The following GPR158 variants were observed in gnomAD, a reference collection of about 807,000 sequenced individuals.
GPR158 encodes metabotropic glycine receptor.
Under a neutral mutation model 78.2 loss-of-function variants are expected in GPR158, and 30 were observed. That is an observed-to-expected ratio of 0.38 (90% CI 0.29 to 0.52). The LOEUF is 0.52. GPR158 is among the 20% of genes least tolerant of loss of function. The pLI, the probability that GPR158 is intolerant of heterozygous loss-of-function variation, is 0.83. For synonymous variants in GPR158, 581 were observed against 591.1 expected, an observed-to-expected ratio of 0.98 and a Z score of 0.25; for missense variants, 1,463 against 1,523.5, an observed-to-expected ratio of 0.96 and a Z score of 0.66.
At chr10:25,472,489 T>A (rs557312769) in intron 5 of GPR158, among the ~76,000 whole-genome samples, 9 of 152,258 alleles carry the variant, frequency 5.9e-5, no homozygotes, top group African/African-American at 7.2e-5. Context: ...GTTTTTTCCA[T>A]TTCTGTGAAG....
intron 5 of GPR158, among the ~76,000 whole-genome samples, chr10:25,547,533 C>T (rs1836678748): frequency 6.6e-6 from 1 of 152,180 alleles, no homozygotes; most frequent in Admixed American, 6.6e-5. Flanking sequence ...TTCTCGCTCA[C>T]TTGTCAGCCC....
chr10:25,250,917 A>G (rs1034823626), intron 2 of GPR158, among the ~76,000 whole-genome samples: 1 of 151,394 alleles, frequency 6.6e-6, no homozygotes, highest in South Asian at 2.1e-4. Context: ...GTGGGGTGTT[A>G]AAGTCTCCCA....
chr10:25,479,475 G>T (rs1198930026), intron 5 of GPR158, among the ~76,000 whole-genome samples: 2 of 152,168 alleles, frequency 1.3e-5, no homozygotes, highest in East Asian at 3.9e-4. Flanking sequence ...GAGTGCAGTG[G>T]TGCGATCTTG....
At chr10:25,263,424 A>G (rs1194643266) in intron 2 of GPR158, among the ~76,000 whole-genome samples, 1 of 152,128 alleles carries the variant, frequency 6.6e-6, no homozygotes, top group Non-Finnish European at 1.5e-5. Context: ...CTATAGCTTT[A>G]TAGTAAGTCT....
intron 3 of GPR158, among the ~76,000 whole-genome samples, chr10:25,406,962 A>G (rs765651095): frequency 6.6e-6 from 1 of 152,214 alleles, no homozygotes; most frequent in Non-Finnish European, 1.5e-5. Context: ...AGACTAATCT[A>G]TAATCAAAGA....
intron 6 of GPR158, among the ~76,000 whole-genome samples, chr10:25,566,064 T>G (rs1836925161): frequency 6.6e-6 from 1 of 152,152 alleles, no homozygotes; most frequent in South Asian, 2.1e-4. Context: ...CAACTTAGGT[T>G]TTATCTACTT....
rs1394686564 is a variant in GPR158, at chr10:25,529,055, A to G, written c.1405-21921A>G. Among the ~76,000 whole-genome samples the G allele has an allele frequency of 3.9e-5, 6 of 152,314 alleles. No individual in the cohort carries two copies. The East Asian group carries it at 1.2e-3, about 29-fold the overall frequency. ...ACGAACGGTGCTGAAACAACTGGAT[A>G]AATATATGGGAGGAAGTAACAACCA... On this transcript the variant is annotated intron_variant, in intron 5 of 10. Coordinates refer to ENST00000376351, the MANE Select transcript of GPR158 (RefSeq NM_020752.3).
intron 6 of GPR158, among the ~76,000 whole-genome samples, chr10:25,559,973 G>A (rs1046834888): frequency 6.6e-5 from 10 of 152,190 alleles, no homozygotes; most frequent in East Asian, 3.8e-4. Flanking sequence ...AGTGGTGTGC[G>A]AAGGGAAAAC....
chr10:25,222,074 G>A lies in GPR158; in HGVS notation c.1008+917G>A, dbSNP rs180763511. 2.6e-5 allele frequency among the ~76,000 whole-genome samples: 4 copies of A among 152,174 alleles called. No homozygotes were observed. In the East Asian group the frequency reaches 7.7e-4, roughly 29 times the overall value. ...GAAATTTAGCAATAAGCACTTATTT[G>A]TGCCATTACACAAATGCACAGACAG... On this transcript the variant is annotated intron_variant, in intron 2 of 10. Coordinates refer to ENST00000376351, the MANE Select transcript of GPR158 (RefSeq NM_020752.3).
Position 25,405,259 on chromosome 10 carries a change from G to A in GPR158, c.1112-6991G>A, listed in dbSNP as rs544385559. ...AAATAACATTTTCTAGTAAGAGAAG[G>A]GAGACTAATTTTTCATTAATTATAT... On this transcript the variant is annotated intron_variant, in intron 3 of 10. Coordinates refer to ENST00000376351, the MANE Select transcript of GPR158 (RefSeq NM_020752.3). Among the ~76,000 whole-genome samples, 9 of 151,880 alleles carry A rather than the reference G, an allele frequency of 5.9e-5. No homozygotes were observed. The South Asian group carries it at 1.7e-3, about 28-fold the overall frequency.
At chr10:25,192,071 G>A (rs1852778858) in intron 1 of GPR158, among the ~76,000 whole-genome samples, 1 of 152,098 alleles carries the variant, frequency 6.6e-6, no homozygotes, top group Non-Finnish European at 1.5e-5. Flanking sequence ...ATCTTGAATT[G>A]TAATCTCCAT....
rs544377766 is a variant in GPR158 at position 25,289,720 on chromosome 10, G to A, written c.1008+68563G>A. ...CAGGTGTGAGCCACCGCGCCCAGCCGAACATTTAAATGTTTTCTAATTGCA... is the reference window on the plus strand; with the variant it reads ...CAGGTGTGAGCCACCGCGCCCAGCCAAACATTTAAATGTTTTCTAATTGCA... On this transcript the variant is annotated intron_variant, in intron 2 of 10. Coordinates refer to ENST00000376351, the MANE Select transcript of GPR158 (RefSeq NM_020752.3). 2.4e-4 allele frequency among the ~76,000 whole-genome samples: 36 copies of A among 152,184 alleles called. No individual in the cohort carries two copies. The East Asian group carries it at 5.0e-3, about 21-fold the overall frequency.
rs372557236 is a variant in GPR158, at chr10:25,443,716, T to C, written c.1336-22935T>C. The stretch of plus-strand genomic sequence containing the variant: ...GACACTGCTCCCAGCCCCTCTTCTT[T>C]TCTTTGGTACTCTAGCAATGCCCTT... On this transcript the variant is annotated intron_variant, in intron 4 of 10. Coordinates refer to ENST00000376351, the MANE Select transcript of GPR158 (RefSeq NM_020752.3). 8.6e-5 allele frequency among the ~76,000 whole-genome samples: 13 copies of C among 151,216 alleles called. No individual in the cohort carries two copies. The South Asian group carries it at 2.5e-3, about 29-fold the overall frequency.
At chr10:25,227,525 C>T (rs568030545) in intron 2 of GPR158, among the ~76,000 whole-genome samples, 10 of 152,276 alleles carry the variant, frequency 6.6e-5, no homozygotes, top group African/African-American at 1.9e-4. Context: ...CTAGGCCTCT[C>T]TCTTTGAGGA....
intron 5 of GPR158, among the ~76,000 whole-genome samples, chr10:25,499,490 A>G (rs1379787922): frequency 6.6e-6 from 1 of 152,180 alleles, no homozygotes; most frequent in Non-Finnish European, 1.5e-5. Flanking sequence ...GCCTTTGTGT[A>G]TTTCCTTTGA....
intron 2 of GPR158, among the ~76,000 whole-genome samples, chr10:25,326,610 G>C (rs543091844): frequency 6.6e-6 from 1 of 152,090 alleles, no homozygotes; most frequent in South Asian, 2.1e-4. Context: ...GATAGGGGCT[G>C]GGGAGAAATG....
At chr10:25,257,306 C>G (rs1853901349) in intron 2 of GPR158, among the ~76,000 whole-genome samples, 1 of 152,168 alleles carries the variant, frequency 6.6e-6, no homozygotes, top group Non-Finnish European at 1.5e-5. Context: ...AAGGCCCTGT[C>G]TTTTAATACT....
intron 5 of GPR158, among the ~76,000 whole-genome samples, chr10:25,548,636 T>G (rs182639021): frequency 6.6e-6 from 1 of 152,014 alleles, no homozygotes; most frequent in East Asian, 1.9e-4. Flanking sequence ...TAAGAAAGAG[T>G]AGACCCAGAA....
intron 7 of GPR158, among the ~76,000 whole-genome samples, chr10:25,577,727 C>T (rs1315351709): frequency 6.6e-6 from 1 of 152,072 alleles, no homozygotes; most frequent in Non-Finnish European, 1.5e-5. Flanking sequence ...AATCTCAGAA[C>T]CTAAAAGAGC....
Sources: gnomAD v4.1 joint callset for allele counts (sites outside exome capture counted in the v4.1 genomes callset) on GRCh38, gnomAD v4.1.1 for gene constraint, MANE v1.5 for transcripts, NCBI Gene and HGNC (gene_info 2026-07-23, HGNC 2026-07-21) for gene names.